Variants in PAK5 observed in about 807,000 individuals in gnomAD.
The protein encoded by PAK5 is serine/threonine-protein kinase PAK 5.
In PAK5, 16 loss-of-function variants were observed where a neutral mutation model predicts 65.9. That is an observed-to-expected ratio of 0.24 (90% CI 0.16 to 0.37). The LOEUF (loss-of-function observed/expected upper bound fraction) is 0.37, where lower values mean the gene tolerates loss of function less well. Ranked by LOEUF, PAK5 falls within the 10% of genes least tolerant of loss-of-function variation. The pLI is 1.00. For missense variants in PAK5, 785 were observed against 903.9 expected (o/e 0.87, Z 1.69); for synonymous variants, 371 against 354.9 (o/e 1.05, Z -0.51).
intron 2 of PAK5, among the ~76,000 whole-genome samples, chr20:9,662,976 G>A (rs1274874758): frequency 6.6e-6 from 1 of 152,106 alleles, no homozygotes; most frequent in African/African-American, 2.4e-5. Flanking sequence ...GGAATGGAAT[G>A]CAAATATAAA....
At chr20:9,629,225 G>A (rs1460185175) in intron 3 of PAK5, among the ~76,000 whole-genome samples, 1 of 152,108 alleles carries the variant, frequency 6.6e-6, no homozygotes, top group Admixed American at 6.5e-5. Context: ...CATAGAAACT[G>A]CAAGGATACT....
At chr20:9,777,093 C>A (rs1374845222) in intron 1 of PAK5, among the ~76,000 whole-genome samples, 1 of 152,176 alleles carries the variant, frequency 6.6e-6, no homozygotes, top group African/African-American at 2.4e-5. Flanking sequence ...TACCGTGTCT[C>A]ATCCCTGTAG....
chr20:9,806,209 G>A (rs920480029), intron 1 of PAK5, among the ~76,000 whole-genome samples: 4 of 151,902 alleles, frequency 2.6e-5, no homozygotes, highest in African/African-American at 7.3e-5. Context: ...GGCTGGTCTC[G>A]AACTCCTGGC....
intron 1 of PAK5, among the ~76,000 whole-genome samples, chr20:9,800,852 C>G (rs2123735239): frequency 6.6e-6 from 1 of 151,930 alleles, no homozygotes; most frequent in Middle Eastern, 3.4e-3. Context: ...TAGAGATTCT[C>G]CATCACATTC....
chr20:9,629,480 T>C (rs962711343), intron 3 of PAK5, among the ~76,000 whole-genome samples: 2 of 150,136 alleles, frequency 1.3e-5, no homozygotes, highest in African/African-American at 2.5e-5. Context: ...CCTCCTCCTT[T>C]TTTTTTTTGA....
chr20:9,717,699 A>C (rs538165138), intron 1 of PAK5, among the ~76,000 whole-genome samples: 7 of 152,196 alleles, frequency 4.6e-5, no homozygotes, highest in Non-Finnish European at 1.0e-4. Context: ...GGCTCATTGC[A>C]ACCTCTGCCT....
chr20:9,602,827 A>G (rs1027050964), intron 3 of PAK5, among the ~76,000 whole-genome samples: 5 of 152,240 alleles, frequency 3.3e-5, no homozygotes, highest in Non-Finnish European at 7.3e-5. Flanking sequence ...TGAACTGTAC[A>G]TGTAACAGAG....
At chr20:9,837,256 A>G (rs531323039) in intron 1 of PAK5, among the ~76,000 whole-genome samples, 1 of 152,320 alleles carries the variant, frequency 6.6e-6, no homozygotes, top group South Asian at 2.1e-4. Flanking sequence ...TCAAGGTATT[A>G]TCAGATTGGA....
At chr20:9,689,583 T>C (rs2047764713) in intron 2 of PAK5, among the ~76,000 whole-genome samples, 1 of 152,214 alleles carries the variant, frequency 6.6e-6, no homozygotes, top group African/African-American at 2.4e-5. Flanking sequence ...GATTTGGAAC[T>C]CAGCAATGAA....
chr20:9,825,387 AT>A (rs548928793), intron 1 of PAK5, among the ~76,000 whole-genome samples: 1 of 152,122 alleles, frequency 6.6e-6, no homozygotes, highest in Non-Finnish European at 1.5e-5. Flanking sequence ...TGATTTTGAG[AT>A]TTTTCCAGCC....
At chr20:9,639,765 GAA>G (rs1175064116) in intron 3 of PAK5, among the ~76,000 whole-genome samples, 1 of 152,240 alleles carries the variant, frequency 6.6e-6, no homozygotes, top group Non-Finnish European at 1.5e-5. Context: ...TAGAAGTGAG[GAA>G]ATCTTGCTCC....
At chr20:9,816,095 G>A (rs943567913) in intron 1 of PAK5, among the ~76,000 whole-genome samples, 3 of 152,174 alleles carry the variant, frequency 2.0e-5, no homozygotes, top group Non-Finnish European at 4.4e-5. Context: ...TATGAGGGCA[G>A]GCTCTGGAGA....
At chr20:9,689,746 T>C (rs1439471415) in intron 2 of PAK5, among the ~76,000 whole-genome samples, 2 of 152,228 alleles carry the variant, frequency 1.3e-5, no homozygotes, top group Non-Finnish European at 2.9e-5. Flanking sequence ...GGGTTTGAAG[T>C]ATCTTGGTAT....
intron 2 of PAK5, among the ~76,000 whole-genome samples, chr20:9,702,983 T>A (rs989918393): frequency 6.6e-6 from 1 of 152,182 alleles, no homozygotes; most frequent in Non-Finnish European, 1.5e-5. Flanking sequence ...TCAGGATCCC[T>A]TATTGTCTTT....
At chr20:9,582,219 T>G (rs1483727519) in intron 3 of PAK5, among the ~76,000 whole-genome samples, 1 of 152,188 alleles carries the variant, frequency 6.6e-6, no homozygotes, top group Non-Finnish European at 1.5e-5. Context: ...TTTCATTAAT[T>G]TTCTCCTAGG....
chr20:9,679,284 C>T (rs1182757040), intron 2 of PAK5, among the ~76,000 whole-genome samples: 8 of 152,132 alleles, frequency 5.3e-5, no homozygotes, highest in Non-Finnish European at 1.2e-4. Flanking sequence ...GTAAGACTTC[C>T]AGTCAACAGT....
intron 1 of PAK5, among the ~76,000 whole-genome samples, chr20:9,808,865 C>T (rs1293347517): frequency 1.3e-5 from 2 of 151,734 alleles, no homozygotes; most frequent in Non-Finnish European, 2.9e-5. Context: ...TAATTGTATG[C>T]AATATGAATA....
chr20:9,769,037 T>A (rs1208188751), intron 1 of PAK5, among the ~76,000 whole-genome samples: 2 of 152,348 alleles, frequency 1.3e-5, no homozygotes, highest in Admixed American at 6.5e-5. Flanking sequence ...CCTAACTGTA[T>A]CTTTTAAACA....
chr20:9,647,848 T>C (rs1337270636), intron 2 of PAK5, among the ~76,000 whole-genome samples: 1 of 152,134 alleles, frequency 6.6e-6, no homozygotes, highest in Non-Finnish European at 1.5e-5. Flanking sequence ...ATCTCCAAGA[T>C]TTATTGTGAC....
Sources: gnomAD v4.1 joint callset for allele counts (sites outside exome capture counted in the v4.1 genomes callset) on GRCh38, gnomAD v4.1.1 for gene constraint, MANE v1.5 for transcripts, NCBI Gene and HGNC (gene_info 2026-07-23, HGNC 2026-07-21) for gene names.